TYW1B: variants seen among roughly 807,000 people sequenced by gnomAD.
The protein encoded by TYW1B is tRNA-yW synthesizing protein 1 homolog B.
Under a neutral mutation model 86.9 loss-of-function variants are expected in TYW1B, and 73 were observed. The observed-to-expected ratio is 0.84, with a 90% CI of 0.70 to 1.02. The LOEUF (loss-of-function observed/expected upper bound fraction) is 1.02, where lower values mean the gene tolerates loss of function less well. TYW1B is among the 50% of genes least tolerant of loss of function. TYW1B has a pLI of 0.00. For missense variants in TYW1B, 637 were observed against 827.4 expected (o/e 0.77, Z 2.82); for synonymous variants, 248 against 292.8 (o/e 0.85, Z 1.56).
chr7:72,671,531 C>T (rs1462363098), intron 11 of TYW1B, among the ~76,000 whole-genome samples: 1 of 152,110 alleles, frequency 6.6e-6, no homozygotes, highest in Non-Finnish European at 1.5e-5. Context: ...TTTATTTTAA[C>T]AGCTACCATA....
chr7:72,593,084 C>A (rs1554431804), intron 13 of TYW1B, among the ~76,000 whole-genome samples: 1 of 138,044 alleles, frequency 7.2e-6, no homozygotes, highest in African/African-American at 2.6e-5. Context: ...AGGTGGATCA[C>A]CTGAGGTCCC....
intron 7 of TYW1B, among the ~76,000 whole-genome samples, chr7:72,761,028 C>T (rs7808365): frequency 6.6e-6 from 1 of 152,094 alleles, no homozygotes; most frequent in Non-Finnish European, 1.5e-5. Flanking sequence ...TGTCTAATAT[C>T]TCAATTCTCA....
chr7:72,795,076 T>C (rs1237645061), intron 6 of TYW1B, among the ~76,000 whole-genome samples: 1 of 151,978 alleles, frequency 6.6e-6, no homozygotes, highest in Non-Finnish European at 1.5e-5. Flanking sequence ...CATCTCGGCC[T>C]CCCAAAGTGC....
intron 2 of TYW1B, among the ~76,000 whole-genome samples, chr7:72,816,804 T>C (rs1392959357): frequency 6.6e-6 from 1 of 152,188 alleles, no homozygotes; most frequent in African/African-American, 2.4e-5. Flanking sequence ...TTGGTGAACA[T>C]ACCAACGTGC....
At chr7:72,690,515 G>A (rs538721280) in intron 11 of TYW1B, among the ~76,000 whole-genome samples, 1 of 152,148 alleles carries the variant, frequency 6.6e-6, no homozygotes, top group Admixed American at 6.6e-5. Context: ...AACAAAATAT[G>A]CTACCTTCTT....
intron 11 of TYW1B, among the ~76,000 whole-genome samples, chr7:72,663,184 C>CG (rs35414110): frequency 3.8e-5 from 2 of 52,236 alleles, no homozygotes; most frequent in Admixed American, 5.2e-4. Context: ...TTAGTCAAGG[C>CG]GGGGGGTTGT....
intron 11 of TYW1B, among the ~76,000 whole-genome samples, chr7:72,632,336 C>T (rs71535698): frequency 0.16 from 11,853 of 74,160 alleles, 1,602 homozygotes; most frequent in East Asian, 0.47. Flanking sequence ...TATATATACA[C>T]GTATATATAT....
At chr7:72,798,113 G>A (rs1377078635) in intron 6 of TYW1B, among the ~76,000 whole-genome samples, 7 of 151,808 alleles carry the variant, frequency 4.6e-5, no homozygotes, top group Non-Finnish European at 8.8e-5. Flanking sequence ...TCTTAAGTCC[G>A]TCTCAGCCGG....
chr7:72,750,340 T>C (rs1554464850), intron 7 of TYW1B, among the ~76,000 whole-genome samples: 1 of 152,212 alleles, frequency 6.6e-6, no homozygotes, highest in Non-Finnish European at 1.5e-5. Flanking sequence ...CATATGAAAC[T>C]CAAAGTTCGT....
intron 3 of TYW1B, 54 bp downstream of exon 3, chr7:72,815,326 T>C (rs1788702402): frequency 1.2e-5 from 18 of 1,443,542 alleles, no homozygotes; most frequent in East Asian, 2.4e-5. Context: ...ACTGTGAAGA[T>C]TGCAGATCAG....
chr7:72,632,388 G>GTATATATATATAATATATATATATACA, intron 11 of TYW1B, among the ~76,000 whole-genome samples: 1 of 70,324 alleles, frequency 1.4e-5, no homozygotes, highest in East Asian at 3.9e-4. Flanking sequence ...ATATATATAC[G>GTATATATATATAATATATATATATACA]TATATATATA....
At chr7:72,706,419 C>A (rs1241417882) in intron 10 of TYW1B, among the ~76,000 whole-genome samples, 4 of 109,038 alleles carry the variant, frequency 3.7e-5, no homozygotes, top group African/African-American at 1.5e-4. Context: ...AAGAGCGAAA[C>A]TCCTCCATCT....
chr7:72,756,852 G>A (rs990412805), intron 7 of TYW1B, among the ~76,000 whole-genome samples: 5 of 152,146 alleles, frequency 3.3e-5, no homozygotes, highest in Admixed American at 2.0e-4. Context: ...TTTCTCTAAG[G>A]AAGATATACA....
At chr7:72,593,629 T>C (rs182623550) in intron 13 of TYW1B, among the ~76,000 whole-genome samples, 1 of 152,098 alleles carries the variant, frequency 6.6e-6, no homozygotes, top group African/African-American at 2.4e-5. Context: ...GAGACCATCC[T>C]GGCTAACACA....
chr7:72,803,056 C>G (rs1788430207), intron 5 of TYW1B, among the ~76,000 whole-genome samples: 1 of 152,040 alleles, frequency 6.6e-6, no homozygotes, highest in South Asian at 2.1e-4. Flanking sequence ...GGGAACATAG[C>G]AAGACCACAT....
chr7:72,794,175 A>G (rs1456750207), intron 6 of TYW1B, among the ~76,000 whole-genome samples: 1 of 152,190 alleles, frequency 6.6e-6, no homozygotes, highest in Non-Finnish European at 1.5e-5. Flanking sequence ...ATCTTGACCC[A>G]TTGGTCAAGT....
intron 5 of TYW1B, among the ~76,000 whole-genome samples, chr7:72,806,070 T>C (rs1788488641): frequency 6.6e-6 from 1 of 151,944 alleles, no homozygotes; most frequent in Non-Finnish European, 1.5e-5. Flanking sequence ...ATGGAGTCAT[T>C]GAAGTCAGGA....
chr7:72,624,076 C>T (rs1345250798), intron 12 of TYW1B, among the ~76,000 whole-genome samples: 2 of 152,218 alleles, frequency 1.3e-5, no homozygotes, highest in African/African-American at 2.4e-5. Flanking sequence ...GCTGGGATTA[C>T]AGGCATGAGC....
At chr7:72,762,453 GT>G (rs1263281094) in intron 7 of TYW1B, among the ~76,000 whole-genome samples, 2 of 151,914 alleles carry the variant, frequency 1.3e-5, no homozygotes, top group Non-Finnish European at 2.9e-5. Flanking sequence ...TGTAACTTTT[GT>G]TTTTCCTAGT....
Sources: allele counts gnomAD v4.1 joint callset (sites outside exome capture counted in the v4.1 genomes callset), GRCh38; gene constraint gnomAD v4.1.1; transcripts MANE v1.5; gene names NCBI Gene and HGNC (gene_info 2026-07-23, HGNC 2026-07-21).